STMN4: variants seen among roughly 807,000 people sequenced by gnomAD.
The protein encoded by STMN4 is stathmin-4.
A neutral mutation model predicts 29.1 loss-of-function variants in STMN4; 12 were observed. The ratio of observed to expected loss-of-function variants is 0.41; its 90% CI spans 0.26 to 0.67. The LOEUF (loss-of-function observed/expected upper bound fraction) is 0.67, where lower values mean the gene tolerates loss of function less well. Among genes scored for constraint, STMN4 ranks in the 30% least tolerant of loss-of-function variants. STMN4 has a pLI of 0.30. For missense variants in STMN4, 181 were observed against 262.8 expected (o/e 0.69, Z 2.15); for synonymous variants, 114 against 105.3 (o/e 1.08, Z -0.51).
At chr8:27,249,207 G>A (rs1161972126) in intron 1 of STMN4, among the ~76,000 whole-genome samples, 2 of 152,142 alleles carry the variant, frequency 1.3e-5, no homozygotes, top group East Asian at 1.9e-4. Context: ...GGGATCTCAC[G>A]GTGGGACAGT....
intron 1 of STMN4, among the ~76,000 whole-genome samples, chr8:27,246,571 A>C (rs1313593065): frequency 6.9e-6 from 1 of 144,668 alleles, no homozygotes; most frequent in African/African-American, 2.6e-5. Flanking sequence ...ATTTGGAAAG[A>C]AGGGCTTAAT....
intron 1 of STMN4, among the ~76,000 whole-genome samples, chr8:27,244,485 C>T (rs1454601503): frequency 6.6e-6 from 1 of 152,186 alleles, no homozygotes; most frequent in East Asian, 1.9e-4. Context: ...GGGCTCCACA[C>T]CACCAGAAAT....
intron 1 of STMN4, among the ~76,000 whole-genome samples, chr8:27,258,105 C>T (rs1452628927): frequency 6.6e-6 from 1 of 152,122 alleles, no homozygotes; most frequent in African/African-American, 2.4e-5. Context: ...CAATTCCCAC[C>T]CATCCTGCCT....
intron 5 of STMN4, among the ~76,000 whole-genome samples, chr8:27,240,675 C>T (rs536117442): frequency 1.3e-5 from 2 of 152,262 alleles, no homozygotes; most frequent in East Asian, 3.9e-4. Flanking sequence ...TAGAAGGCAT[C>T]CCGGGCCTCG....
intron 6 of STMN4, chr8:27,239,551 C>T (rs1160944402): frequency 1.3e-6 from 1 of 766,390 alleles, no homozygotes; most frequent in African/African-American, 1.8e-5. Flanking sequence ...GTGGGAATCT[C>T]AGCTCATCAT....
intron 6 of STMN4, chr8:27,239,642 G>A: frequency 7.5e-7 from 1 of 1,328,024 alleles, no homozygotes; most frequent in Admixed American, 2.9e-5. Context: ...AGCTAGGAAT[G>A]CATACCTGCT....
At position 27,236,620 on chromosome 8, in the gene STMN4, T is replaced by C. The variant is rs921391174; in HGVS notation, c.*226A>G. 5.3e-5 allele frequency: 22 copies of C among 414,658 alleles called. No individual in the cohort carries two copies. Among genetic ancestry groups the C allele is most frequent in the Non-Finnish European group, 8.9e-5 (21 of 235,122 alleles). 25.7% of individuals were successfully genotyped at this position (414,658 alleles called of 1,614,324 possible). A position where few individuals can be genotyped will look rare whatever the true frequency, so the allele number is the denominator to read the frequency against. On this transcript the variant is annotated 3_prime_UTR_variant, in exon 7 of 7. Transcript: ENST00000350889. ...CTCCATCTCCCTTTCCCAAACTCTC[T>C]CCTCTCCCCTCTCCCACCCCGTCAT...
At chr8:27,255,566 G>A (rs1017100469) in intron 1 of STMN4, among the ~76,000 whole-genome samples, 5 of 152,160 alleles carry the variant, frequency 3.3e-5, no homozygotes, top group Admixed American at 6.5e-5. Context: ...TATACAGTTG[G>A]TTTAATATAG....
chr8:27,236,772 C>A lies in STMN4; in HGVS notation c.*74G>T. The A allele has an allele frequency of 1.4e-6, 2 of 1,383,744 alleles. No homozygotes were observed. The highest frequency in any genetic ancestry group is 1.9e-6 in the Non-Finnish European group (2 of 1,039,082). The allele number at this position is 1,383,744 out of a possible 1,614,324, so 85.7% of individuals were successfully genotyped here. A position where few individuals can be genotyped will look rare whatever the true frequency, so the allele number is the denominator to read the frequency against. Reference sequence around the variant, plus strand: ...ACCCCAGTGCTGGGAGCGCAGCCGGCGGGCGAGGCTGCCTGGAACGTGGAG... The same window carrying A: ...ACCCCAGTGCTGGGAGCGCAGCCGGAGGGCGAGGCTGCCTGGAACGTGGAG... On this transcript the variant is annotated 3_prime_UTR_variant, in exon 7 of 7. Transcript: ENST00000350889.
rs767481712 is a variant in STMN4, at chr8:27,241,228, G to A, written c.225C>T (p.Ser75=). 2.5e-6 allele frequency: 4 copies of A among 1,614,200 alleles called. No individual in the cohort carries two copies. Among genetic ancestry groups the A allele is most frequent in the Admixed American group, 3.3e-5 (2 of 60,022 alleles). The part of the protein sequence containing the change: ...DTVDLNWCVI[S]DMEVIELNKC... ...TGTTCAGCTCGATGACTTCCATGTCGGAAATGACGCACCAATTCAGGTCCA... is the reference window on the plus strand; with the variant it reads ...TGTTCAGCTCGATGACTTCCATGTCAGAAATGACGCACCAATTCAGGTCCA... Residue 75 remains serine (S), a synonymous_variant, in exon 5 of 7, where the codon TCC becomes TCT. Coordinates refer to ENST00000350889, the MANE Select transcript of STMN4 (RefSeq NM_030795.4).
intron 6 of STMN4, among the ~76,000 whole-genome samples, 182 bp from the exon 7 acceptor site, chr8:27,237,087 C>T (rs978199150): frequency 6.6e-6 from 1 of 152,174 alleles, no homozygotes; most frequent in South Asian, 2.1e-4. Flanking sequence ...AGGCAGGGGG[C>T]AAGCCTACTG....
intron 1 of STMN4, among the ~76,000 whole-genome samples, chr8:27,247,254 CAAAAAAAAAA>C (rs150260843): frequency 7.4e-5 from 8 of 107,806 alleles, no homozygotes; most frequent in Non-Finnish European, 1.3e-4. Context: ...GACTTTGTCT[CAAAAAAAAAA>C]AAAAAAAAAG....
intron 1 of STMN4, among the ~76,000 whole-genome samples, chr8:27,250,882 A>ATT (rs1801762349): frequency 6.6e-6 from 1 of 152,244 alleles, no homozygotes; most frequent in Non-Finnish European, 1.5e-5. Context: ...AGGAAAATTA[A>ATT]ACTGGAAAAG....
At chr8:27,253,111 C>G (rs1801839715) in intron 1 of STMN4, among the ~76,000 whole-genome samples, 1 of 152,226 alleles carries the variant, frequency 6.6e-6, no homozygotes, top group Non-Finnish European at 1.5e-5. Context: ...TCTAGAGTTT[C>G]CATTCCTACC....
intron 4 of STMN4, 48 bp downstream of exon 4, chr8:27,241,629 C>A (rs372656497): frequency 6.2e-7 from 1 of 1,608,738 alleles, no homozygotes; most frequent in Non-Finnish European, 8.5e-7. Context: ...CCGGCCACAG[C>A]CCATCTGACG....
At chr8:27,249,816 C>G (rs1451603280) in intron 1 of STMN4, among the ~76,000 whole-genome samples, 2 of 152,180 alleles carry the variant, frequency 1.3e-5, no homozygotes, top group Non-Finnish European at 2.9e-5. Flanking sequence ...TATGCCTGAC[C>G]TCTTAGTGCC....
chr8:27,237,000 GC>G, intron 6 of STMN4, 95 bp from the exon 7 acceptor site: 1 of 1,321,420 alleles, frequency 7.6e-7, no homozygotes, highest in Non-Finnish European at 1.0e-6. Context: ...GCAAAGAGTG[GC>G]CACCACAGGC....
chr8:27,252,209 A>G (rs1343126670), intron 1 of STMN4, among the ~76,000 whole-genome samples: 2 of 152,052 alleles, frequency 1.3e-5, no homozygotes, highest in South Asian at 4.1e-4. Context: ...CCAGTCTATC[A>G]TTGTTGGACA....
intron 6 of STMN4, among the ~76,000 whole-genome samples, chr8:27,237,191 T>A (rs1801335295): frequency 6.6e-6 from 1 of 152,206 alleles, no homozygotes; most frequent in Middle Eastern, 3.4e-3. Context: ...TCCCCCTCCC[T>A]CACCTGGCCA....
Sources: gnomAD v4.1 joint callset for allele counts (sites outside exome capture counted in the v4.1 genomes callset) on GRCh38, gnomAD v4.1.1 for gene constraint, MANE v1.5 for transcripts, NCBI Gene and HGNC (gene_info 2026-07-23, HGNC 2026-07-21) for gene names.